The following VWA3B variants were observed in gnomAD, a reference collection of about 807,000 sequenced individuals.
VWA3B encodes the protein von Willebrand factor A domain containing 3B.
Under a neutral mutation model 158.3 loss-of-function variants are expected in VWA3B, and 138 were observed. The ratio of observed to expected loss-of-function variants is 0.87; its 90% CI spans 0.76 to 1.00. The LOEUF is 1.00. Among genes scored for constraint, VWA3B ranks in the 50% least tolerant of loss-of-function variants. VWA3B has a pLI of 0.00. For missense variants in VWA3B, 1,555 were observed against 1,565.1 expected (o/e 0.99, Z 0.11); for synonymous variants, 596 against 587.3 (o/e 1.01, Z -0.21).
intron 20 of VWA3B, among the ~76,000 whole-genome samples, chr2:98,255,172 C>A (rs1687037520): frequency 6.9e-6 from 1 of 144,230 alleles, no homozygotes; most frequent in South Asian, 2.3e-4. Flanking sequence ...CGCCACCACG[C>A]CCGGCTGATA....
At position 98,212,048 on chromosome 2, in the gene VWA3B, A is replaced by G; in HGVS notation, c.1836+20A>G. The stretch of plus-strand genomic sequence containing the variant: ...GATCAGGTACTTACCAGAGCTGGGA[A>G]CAAAGAGGGCCTCACTGATGCTCTG... On this transcript the variant is annotated intron_variant, in intron 13 of 27. Transcript: ENST00000477737. The G allele has an allele frequency of 6.2e-7, 1 of 1,607,116 alleles. No homozygotes were observed.
rs1385545029 is a variant in VWA3B, at chr2:98,236,495, A to G, written c.2516+18A>G. 1.9e-6 allele frequency: 3 copies of G among 1,614,086 alleles called. No homozygotes were observed. In the African/African-American group the frequency reaches 4.0e-5, roughly 22 times the overall value. On this transcript the variant is annotated intron_variant, in intron 18 of 27. Transcript: ENST00000477737. ...GACCACGAGTGAGTTCTTTAATTTG[A>G]CAAAGACAGTTCTGTTATGCTTCTG...
chr2:98,232,994 G>A (rs908456099), intron 16 of VWA3B, among the ~76,000 whole-genome samples: 7 of 152,188 alleles, frequency 4.6e-5, no homozygotes, highest in African/African-American at 1.7e-4. Flanking sequence ...GCCGCTAACT[G>A]GAGATTGGCC....
chr2:98,300,538 ATCCTCC>A (rs199517078), intron 25 of VWA3B, among the ~76,000 whole-genome samples: 2 of 150,800 alleles, frequency 1.3e-5, no homozygotes, highest in African/African-American at 2.4e-5. Flanking sequence ...TCGCGTCCTC[ATCCTCC>A]TCCTCCTCCT....
At chr2:98,290,463 T>C (rs1300264485) in intron 22 of VWA3B, 48 bp from the exon 23 acceptor site, 2 of 1,377,906 alleles carry the variant, frequency 1.5e-6, no homozygotes, top group African/African-American at 3.0e-5. Context: ...ATTTTCAGCA[T>C]CTGCATTCAC....
intron 22 of VWA3B, among the ~76,000 whole-genome samples, chr2:98,287,383 C>T (rs1364423206): frequency 6.6e-6 from 1 of 152,102 alleles, no homozygotes; most frequent in Non-Finnish European, 1.5e-5. Context: ...AGAACTCAAG[C>T]TCTTTCTCTG....
At chr2:98,296,274 G>A (rs1428296528) in intron 23 of VWA3B, among the ~76,000 whole-genome samples, 3 of 152,218 alleles carry the variant, frequency 2.0e-5, no homozygotes, top group South Asian at 4.1e-4. Flanking sequence ...TGGGAGGGAC[G>A]TGGGGCACAC....
intron 19 of VWA3B, among the ~76,000 whole-genome samples, chr2:98,248,098 A>G (rs560187433): frequency 7.1e-4 from 108 of 151,840 alleles, no homozygotes; most frequent in African/African-American, 2.5e-3. Context: ...TCCAAGATAA[A>G]TTTTTTTCTG....
intron 7 of VWA3B, among the ~76,000 whole-genome samples, chr2:98,161,700 A>G (rs1015034654): frequency 2.0e-5 from 3 of 152,034 alleles, no homozygotes; most frequent in African/African-American, 7.2e-5. Context: ...TATTTATTTC[A>G]AGATGGAGTC....
chr2:98,324,537 T>C, the VWA3B span, among the ~76,000 whole-genome samples: 15 of 152,300 alleles, frequency 9.8e-5, no homozygotes, highest in African/African-American at 3.4e-4. Flanking sequence ...AAATTGAAAT[T>C]TTAACTGCCA....
intron 12 of VWA3B, among the ~76,000 whole-genome samples, chr2:98,199,086 C>CAA (rs35508873): frequency 0.032 from 4,528 of 143,626 alleles, 197 homozygotes; most frequent in African/African-American, 0.1. Context: ...GACTCCGTCT[C>CAA]AAAAAAAAAA....
the VWA3B span, among the ~76,000 whole-genome samples, chr2:98,320,959 G>A: frequency 6.6e-6 from 1 of 152,204 alleles, no homozygotes; most frequent in Non-Finnish European, 1.5e-5. Context: ...CCCATCACAG[G>A]CCTAGAGGCG....
chr2:98,236,282 T>C lies in VWA3B; in HGVS notation c.2429-108T>C, dbSNP rs751023854. ...GATATGTTCTCTGAAATGTGGTCCA[T>C]TTATTAGCTCTCAGTCACAGCTGGA... On this transcript the variant is annotated intron_variant, in intron 17 of 27. Coordinates refer to ENST00000477737, the MANE Select transcript of VWA3B (RefSeq NM_144992.5). The C allele has an allele frequency of 6.1e-5, 73 of 1,198,660 alleles. 2 individuals are homozygous for C. The South Asian group carries it at 7.8e-4, about 13-fold the overall frequency. The allele number at this position is 1,198,660 out of a possible 1,614,324, so 74.3% of individuals were successfully genotyped here.
intron 2 of VWA3B, among the ~76,000 whole-genome samples, chr2:98,112,153 A>T (rs1004676476): frequency 1.3e-5 from 2 of 152,146 alleles, no homozygotes; most frequent in African/African-American, 4.8e-5. Context: ...TTTCAGAGTC[A>T]TTTATTGAAT....
Position 98,256,164 on chromosome 2 carries a change from GA to G in VWA3B, c.2838del (p.Glu947LysfsTer3). The G allele has an allele frequency of 6.2e-7, 1 of 1,608,588 alleles. No individual in the cohort carries two copies. ...TGTTTGGCGAGCATTATCTCAAGAG[GA>G]AAAAGAAAAGTAAGCCATTCCATTC... ...KIVWRALSQE[E>X]KEKLDANKPI... On this transcript the variant is annotated frameshift_variant, in exon 21 of 28. Transcript: ENST00000477737. LOFTEE classifies it high-confidence loss of function.
chr2:98,283,993 C>T (rs1574276242), intron 22 of VWA3B, among the ~76,000 whole-genome samples: 1 of 152,198 alleles, frequency 6.6e-6, no homozygotes, highest in Admixed American at 6.5e-5. Flanking sequence ...TGGGTGAAAG[C>T]TCAGGAATAA....
chr2:98,146,400 A>G (rs1677178331), intron 7 of VWA3B, among the ~76,000 whole-genome samples: 1 of 152,140 alleles, frequency 6.6e-6, no homozygotes, highest in African/African-American at 2.4e-5. Context: ...ATGCTTCACA[A>G]CTCAGGGGCT....
At chr2:98,275,632 C>G (rs1688477151) in intron 22 of VWA3B, among the ~76,000 whole-genome samples, 1 of 152,210 alleles carries the variant, frequency 6.6e-6, no homozygotes, top group Admixed American at 6.5e-5. Context: ...CTTCACATAC[C>G]TGGGAGAGTG....
chr2:98,119,068 T>C (rs1044244135), intron 3 of VWA3B, among the ~76,000 whole-genome samples: 18 of 152,322 alleles, frequency 1.2e-4, no homozygotes, highest in African/African-American at 4.1e-4. Flanking sequence ...TGGGATGGCA[T>C]CCTTTAGAGG....
Sources: gnomAD v4.1 joint callset for allele counts (sites outside exome capture counted in the v4.1 genomes callset) on GRCh38, gnomAD v4.1.1 for gene constraint, MANE v1.5 for transcripts, NCBI Gene and HGNC (gene_info 2026-07-23, HGNC 2026-07-21) for gene names.